Variants in SBNO1 observed in about 807,000 individuals in gnomAD.
The protein encoded by SBNO1 is protein strawberry notch homolog 1.
A neutral mutation model predicts 173.6 loss-of-function variants in SBNO1; 23 were observed. The observed-to-expected ratio is 0.13, with a 90% CI of 0.10 to 0.19. The LOEUF (loss-of-function observed/expected upper bound fraction) is 0.19. SBNO1 is among the 10% of genes least tolerant of loss of function. SBNO1 has a pLI of 1.00. For synonymous variants in SBNO1, 632 were observed against 571.5 expected (o/e 1.11, Z -1.51); for missense variants, 1,238 against 1,671.2 (o/e 0.74, Z 4.52).
intron 24 of SBNO1, among the ~76,000 whole-genome samples, chr12:123,313,008 T>A (rs538539074): frequency 6.6e-6 from 1 of 151,908 alleles, no homozygotes; most frequent in African/African-American, 2.4e-5. Flanking sequence ...ATCGAGACCA[T>A]CCTGGCCAAC....
At chr12:123,321,830 G>T in intron 16 of SBNO1, 98 bp from the exon 17 acceptor site, 1 of 1,020,822 alleles carries the variant, frequency 9.8e-7, no homozygotes, top group Non-Finnish European at 1.5e-6. Flanking sequence ...AATGAAAAGT[G>T]CAGAGGAAAA....
chr12:123,345,498 C>G lies in SBNO1; in HGVS notation c.310G>C (p.Val104Leu), dbSNP rs1319203986. ...GTTACAGGTGGTGTTTTAGTCATTA[C>G]AATTGTAGATCCCAAGGGTGGAAGA... is the stretch of plus-strand genomic sequence containing the variant. Reference protein sequence around the residue: ...NHLPPLGSTIVMTKTPPVTTN... With the variant: ...NHLPPLGSTILMTKTPPVTTN... The change falls in exon 4 of 32, where the codon GTA (valine) becomes CTA (leucine). Residue 104 changes from valine to leucine, a missense_variant. Transcript: ENST00000602398. 13 of 1,613,950 alleles carry G rather than the reference C, an allele frequency of 8.1e-6. 1 individual carries two copies. The highest frequency in any genetic ancestry group is 2.2e-5 in the South Asian group (2 of 91,090).
intron 13 of SBNO1, 146 bp downstream of exon 13, chr12:123,327,280 A>C (rs1390433126): frequency 5.9e-6 from 4 of 676,780 alleles, no homozygotes; most frequent in Non-Finnish European, 1.0e-5. Flanking sequence ...CAAAGTGCTG[A>C]GGCATGAGAC....
At chr12:123,306,926 G>A (rs1379165157) in intron 28 of SBNO1, among the ~76,000 whole-genome samples, 6 of 147,430 alleles carry the variant, frequency 4.1e-5, no homozygotes, top group Non-Finnish European at 8.9e-5. Flanking sequence ...GCTCACAACT[G>A]TAATCCAGCA....
At chr12:123,298,676 C>T (rs7955017) in intron 30 of SBNO1, among the ~76,000 whole-genome samples, 70 of 152,286 alleles carry the variant, frequency 4.6e-4, no homozygotes, top group African/African-American at 1.5e-3. Flanking sequence ...TTTAAAACCA[C>T]GATTTTTTCA....
chr12:123,335,042 A>C (rs1871672255), intron 6 of SBNO1, among the ~76,000 whole-genome samples: 1 of 152,346 alleles, frequency 6.6e-6, no homozygotes, highest in Non-Finnish European at 1.5e-5. Context: ...AAATCCAAAA[A>C]TTAGCTGGGC....
In SBNO1 at chr12:123,292,493, C is replaced by T. The variant is rs901391328; in HGVS notation, c.*3415G>A. 1 of 152,148 alleles carries T rather than the reference C, an allele frequency of 6.6e-6. No individual in the cohort carries two copies. The highest frequency in any genetic ancestry group is 1.5e-5 in the Non-Finnish European group (1 of 68,026). 9.4% of individuals were successfully genotyped at this position (152,148 alleles called of 1,614,324 possible). A position where few individuals can be genotyped will look rare whatever the true frequency, so the allele number is the denominator to read the frequency against. Reference sequence around the variant, plus strand: ...ACAATTATAAATGCTGTCCTGGTAGCCTTTCTTCTCTTGCCGGCTAACAAT... The same window carrying T: ...ACAATTATAAATGCTGTCCTGGTAGTCTTTCTTCTCTTGCCGGCTAACAAT... On this transcript the variant is annotated 3_prime_UTR_variant, in exon 32 of 32. Coordinates refer to ENST00000602398, the MANE Select transcript of SBNO1 (RefSeq NM_001167856.3).
At chr12:123,302,939 C>A (rs1197777956) in intron 29 of SBNO1, 39 bp from the exon 30 acceptor site, 1 of 1,474,206 alleles carries the variant, frequency 6.8e-7, no homozygotes, top group Non-Finnish European at 9.5e-7. Context: ...AACAGTATTG[C>A]TTTAAATAAA....
chr12:123,303,491 CA>C (rs971871764), intron 29 of SBNO1, among the ~76,000 whole-genome samples: 50 of 151,068 alleles, frequency 3.3e-4, no homozygotes, highest in African/African-American at 1.1e-3. Context: ...ACTAAACATA[CA>C]AAAAAAAACT....
intron 1 of SBNO1, among the ~76,000 whole-genome samples, chr12:123,362,551 AG>A (rs1385839165): frequency 6.7e-6 from 1 of 150,184 alleles, no homozygotes; most frequent in Non-Finnish European, 1.5e-5. Context: ...GGATCACTTG[AG>A]GTCACTAGTG....
chr12:123,302,824 CAAT>C lies in SBNO1; in HGVS notation c.3842_3844del (p.Tyr1281del). The C allele has an allele frequency of 6.2e-7, 1 of 1,610,884 alleles. No individual in the cohort carries two copies. Among genetic ancestry groups the C allele is most frequent in the Non-Finnish European group, 8.5e-7 (1 of 1,177,766 alleles). ...TGGTAGGAAACACGAAAATACTAAC[CAAT>C]AAGCATGAGTACAAGTATCTGCAGA... On this transcript the variant is annotated inframe_deletion and splice_region_variant, in exon 30 of 32. Coordinates refer to ENST00000602398, the MANE Select transcript of SBNO1 (RefSeq NM_001167856.3).
chr12:123,350,158 G>T, intron 2 of SBNO1, 152 bp downstream of exon 2: 2 of 802,970 alleles, frequency 2.5e-6, no homozygotes, highest in Non-Finnish European at 3.9e-6. Flanking sequence ...GGGGGCTGAG[G>T]CAGAAGGATG....
chr12:123,311,704 C>CTATATATATA (rs1868539214), intron 24 of SBNO1, among the ~76,000 whole-genome samples: 1 of 60,474 alleles, frequency 1.7e-5, no homozygotes, highest in African/African-American at 6.1e-5. Context: ...ATCTATCTAT[C>CTATATATATA]TATCTATCTA....
chr12:123,302,034 G>A (rs1013260355), intron 30 of SBNO1, among the ~76,000 whole-genome samples: 2 of 151,512 alleles, frequency 1.3e-5, no homozygotes, highest in South Asian at 2.1e-4. Context: ...TCCGCCTCCC[G>A]GGTTCAAACA....
At chr12:123,330,634 T>TA (rs1871105951) in intron 8 of SBNO1, 125 bp from the exon 9 acceptor site, 3 of 449,126 alleles carry the variant, frequency 6.7e-6, no homozygotes, top group African/African-American at 1.7e-4. Context: ...AAAATACACT[T>TA]ACTCATTAAA....
intron 1 of SBNO1, among the ~76,000 whole-genome samples, chr12:123,351,459 T>C (rs890513639): frequency 2.0e-5 from 3 of 152,138 alleles, no homozygotes; most frequent in African/African-American, 7.2e-5. Context: ...ACCCCGTATC[T>C]ACAAAAAAAT....
At chr12:123,315,516 T>C (rs771321678) in intron 22 of SBNO1, 32 bp downstream of exon 22, 1 of 1,581,150 alleles carries the variant, frequency 6.3e-7, no homozygotes, top group African/African-American at 1.3e-5. Flanking sequence ...TAGATCATCA[T>C]TTACACACAG....
chr12:123,330,619 AAAAG>A (rs1871103961), intron 8 of SBNO1, 110 bp from the exon 9 acceptor site: 3 of 580,008 alleles, frequency 5.2e-6, no homozygotes, highest in Admixed American at 4.3e-5. Context: ...AAAAAAAAGA[AAAAG>A]AAAATACACT....
At chr12:123,350,066 C>T (rs1401592420) in intron 2 of SBNO1, among the ~76,000 whole-genome samples, 2 of 152,104 alleles carry the variant, frequency 1.3e-5, no homozygotes, top group Non-Finnish European at 2.9e-5. Context: ...CCAGCCTGGG[C>T]AACATGGCAA....
Sources: gnomAD v4.1 joint callset for allele counts (sites outside exome capture counted in the v4.1 genomes callset) on GRCh38, gnomAD v4.1.1 for gene constraint, MANE v1.5 for transcripts, NCBI Gene and HGNC (gene_info 2026-07-23, HGNC 2026-07-21) for gene names.